Variants in SMYD3 observed in about 807,000 individuals in gnomAD.
The protein encoded by SMYD3 is SET and MYND domain containing 3.
SMYD3 carries 36 observed loss-of-function variants against 57.7 expected under a neutral mutation model. That is an observed-to-expected ratio of 0.62 (90% CI 0.48 to 0.82). The LOEUF (loss-of-function observed/expected upper bound fraction) is 0.82, where lower values mean the gene tolerates loss of function less well. Ranked by LOEUF, SMYD3 falls within the 40% of genes least tolerant of loss-of-function variation. The pLI, the probability that SMYD3 is intolerant of heterozygous loss-of-function variation, is 0.00. For missense variants in SMYD3, 515 were observed against 538.8 expected, an observed-to-expected ratio of 0.96 and a Z score of 0.44; for synonymous variants, 211 against 195.0, an observed-to-expected ratio of 1.08 and a Z score of -0.68.
At chr1:246,299,548 C>T (rs558641656) in intron 5 of SMYD3, among the ~76,000 whole-genome samples, 1 of 152,050 alleles carries the variant, frequency 6.6e-6, no homozygotes, top group Non-Finnish European at 1.5e-5. Context: ...CATCTATGTT[C>T]ATCGCAGCAC....
At chr1:245,936,581 T>C (rs1157926756) in intron 5 of SMYD3, among the ~76,000 whole-genome samples, 1 of 152,172 alleles carries the variant, frequency 6.6e-6, no homozygotes, top group Non-Finnish European at 1.5e-5. Context: ...CCCAAAGCAA[T>C]AATATTTCAT....
chr1:246,210,768 A>G (rs535873250), intron 5 of SMYD3, among the ~76,000 whole-genome samples: 1 of 152,210 alleles, frequency 6.6e-6, no homozygotes, highest in South Asian at 2.1e-4. Flanking sequence ...CAGCTCTCCA[A>G]AAATCCCCAA....
chr1:246,255,534 A>C (rs773491908), intron 5 of SMYD3, among the ~76,000 whole-genome samples: 7 of 151,958 alleles, frequency 4.6e-5, no homozygotes, highest in Non-Finnish European at 8.8e-5. Flanking sequence ...AGCCTACTTG[A>C]TCATGGTAAT....
rs1486014801 is a variant in SMYD3, at chr1:246,051,277, T to C, written c.532-121340A>G. Among the ~76,000 whole-genome samples the C allele has an allele frequency of 2.6e-5, 4 of 151,894 alleles. No homozygotes were observed. In the East Asian group the frequency reaches 5.8e-4, roughly 22 times the overall value. ...CTGGGACCACAGGTGTCTCCCACTA[T>C]ACCCAGCTAATTTTTATATGTTTTG... On this transcript the variant is annotated intron_variant, in intron 5 of 11. Transcript: ENST00000490107.
intron 5 of SMYD3, among the ~76,000 whole-genome samples, chr1:246,220,628 C>G (rs1158152107): frequency 6.6e-6 from 1 of 152,196 alleles, no homozygotes; most frequent in Non-Finnish European, 1.5e-5. Flanking sequence ...TGAACAGCAG[C>G]AGGAGGCAGG....
rs141847072 is a variant in SMYD3 at position 245,984,427 on chromosome 1, G to A, written c.532-54490C>T. Among the ~76,000 whole-genome samples the A allele has an allele frequency of 4.9e-3, 750 of 152,242 alleles. 4 individuals are homozygous for A. Among genetic ancestry groups the A allele is most frequent in the African/African-American group, 0.016 (675 of 41,528 alleles). ...CACAAATCTATTTGTGCCTGCGCCC[G>A]CAGAAGCACCTCCCCTCCTGTGCAA... is the stretch of plus-strand genomic sequence containing the variant. On this transcript the variant is annotated intron_variant, in intron 5 of 11. Coordinates refer to ENST00000490107, the MANE Select transcript of SMYD3 (RefSeq NM_001167740.2).
rs528365516 is a variant in SMYD3, at chr1:245,847,021, T to G, written c.1076+11475A>C. On this transcript the variant is annotated intron_variant, in intron 10 of 11. Coordinates refer to ENST00000490107, the MANE Select transcript of SMYD3 (RefSeq NM_001167740.2). ...ACTCCTCTCACTACTCCCAAGCCCC[T>G]GCTCTCTCCCTGTTCAAAGGCTATG... 2.1e-4 allele frequency among the ~76,000 whole-genome samples: 32 copies of G among 152,322 alleles called. No individual in the cohort carries two copies. The South Asian group carries it at 4.8e-3, about 23-fold the overall frequency.
rs1491244918 is a variant in SMYD3 at position 246,098,824 on chromosome 1, ACT to A, written c.532-168889_532-168888del. Reference sequence around the variant, plus strand: ...TGTAGTTATATGTACATGTATATACACTCACACACACACATTTGTAATCCTTT... The same window carrying A: ...TGTAGTTATATGTACATGTATATACACACACACACACATTTGTAATCCTTT... On this transcript the variant is annotated intron_variant, in intron 5 of 11. Coordinates refer to ENST00000490107, the MANE Select transcript of SMYD3 (RefSeq NM_001167740.2). Among the ~76,000 whole-genome samples the A allele has an allele frequency of 1.2e-3, 179 of 152,064 alleles. 2 individuals are homozygous for A. In the Middle Eastern group the frequency reaches 0.014, roughly 12 times the overall value.
rs193017150 is a variant in SMYD3, at chr1:246,167,629, A to G, written c.531+159572T>C. On this transcript the variant is annotated intron_variant, in intron 5 of 11. Coordinates refer to ENST00000490107, the MANE Select transcript of SMYD3 (RefSeq NM_001167740.2). ...GGGTTCAAGCGATTCTCCTGCCTCG[A>G]CCTCCCGAGTAGCTGGGATTATAGG... is the stretch of plus-strand genomic sequence containing the variant. 1.6e-3 allele frequency among the ~76,000 whole-genome samples: 244 copies of G among 149,740 alleles called. 1 individual carries two copies. The highest frequency in any genetic ancestry group is 5.6e-3 in the African/African-American group (227 of 40,638).
intron 2 of SMYD3, among the ~76,000 whole-genome samples, chr1:246,340,086 C>T (rs529318224): frequency 1.3e-5 from 2 of 151,702 alleles, no homozygotes; most frequent in East Asian, 1.9e-4. Flanking sequence ...CAAAGGAGGT[C>T]GTTATATATA....
At chr1:246,117,625 C>G (rs2061361605) in intron 5 of SMYD3, among the ~76,000 whole-genome samples, 1 of 152,186 alleles carries the variant, frequency 6.6e-6, no homozygotes, top group Non-Finnish European at 1.5e-5. Context: ...TGCGCACTCT[C>G]TCTCTCTCCC....
intron 5 of SMYD3, among the ~76,000 whole-genome samples, chr1:246,164,541 C>A (rs573870147): frequency 2.8e-4 from 43 of 152,320 alleles, no homozygotes; most frequent in African/African-American, 8.9e-4. Flanking sequence ...GAGCCAAATC[C>A]TTAATGCTTA....
intron 5 of SMYD3, among the ~76,000 whole-genome samples, chr1:246,287,136 T>G (rs1332919409): frequency 6.6e-6 from 1 of 152,122 alleles, no homozygotes; most frequent in East Asian, 1.9e-4. Context: ...CCTCCCAAAG[T>G]GCAAGGATTA....
chr1:246,138,522 T>G, intron 5 of SMYD3, among the ~76,000 whole-genome samples: 2 of 103,908 alleles, frequency 1.9e-5, no homozygotes, highest in Non-Finnish European at 2.8e-5. Context: ...GCCTCCCAGG[T>G]TCACACCATT....
intron 1 of SMYD3, among the ~76,000 whole-genome samples, chr1:246,503,891 T>A (rs1444349242): frequency 6.7e-5 from 10 of 150,070 alleles, no homozygotes; most frequent in Non-Finnish European, 1.3e-4. Flanking sequence ...GAGGCGGAGG[T>A]TGTGGTGAGC....
chr1:246,302,138 T>A (rs1378536961), intron 5 of SMYD3, among the ~76,000 whole-genome samples: 1 of 152,184 alleles, frequency 6.6e-6, no homozygotes, highest in Non-Finnish European at 1.5e-5. Flanking sequence ...GGGATTATGC[T>A]TAAGCAACAA....
At chr1:246,407,621 C>G (rs2066887192) in intron 1 of SMYD3, among the ~76,000 whole-genome samples, 1 of 152,074 alleles carries the variant, frequency 6.6e-6, no homozygotes, top group Non-Finnish European at 1.5e-5. Flanking sequence ...GCGGGTGGAT[C>G]ACCTGAGGTC....
intron 5 of SMYD3, among the ~76,000 whole-genome samples, chr1:245,958,428 T>C (rs1161606951): frequency 6.6e-6 from 1 of 152,152 alleles, no homozygotes; most frequent in African/African-American, 2.4e-5. Context: ...ATACACCATT[T>C]TCTAAAGTGC....
At chr1:245,886,367 G>T (rs914098473) in intron 8 of SMYD3, among the ~76,000 whole-genome samples, 1 of 152,084 alleles carries the variant, frequency 6.6e-6, no homozygotes, top group Non-Finnish European at 1.5e-5. Flanking sequence ...GTCAACAAAG[G>T]TTGAAAGAAG....
Sources: gnomAD v4.1 joint callset for allele counts (sites outside exome capture counted in the v4.1 genomes callset) on GRCh38, gnomAD v4.1.1 for gene constraint, MANE v1.5 for transcripts, NCBI Gene and HGNC (gene_info 2026-07-23, HGNC 2026-07-21) for gene names.